Variants in NSL1 observed in about 807,000 individuals in gnomAD.
The protein encoded by NSL1 is kinetochore-associated protein NSL1 homolog.
Under a neutral mutation model 25.4 loss-of-function variants are expected in NSL1, and 11 were observed. That is an observed-to-expected ratio of 0.43 (90% CI 0.27 to 0.72). The LOEUF is 0.72. NSL1 is among the 30% of genes least tolerant of loss of function. The pLI is 0.19. For missense variants in NSL1, 330 were observed against 342.7 expected (o/e 0.96, Z 0.29); for synonymous variants, 118 against 120.6 (o/e 0.98, Z 0.14).
Position 212,740,799 on chromosome 1 carries a change from T to G in NSL1, c.500-1198A>C, listed in dbSNP as rs180901264. Among the ~76,000 whole-genome samples the G allele has an allele frequency of 1.1e-3, 171 of 152,320 alleles. 1 individual carries two copies. Among genetic ancestry groups the G allele is most frequent in the Non-Finnish European group, 1.5e-3 (103 of 68,018 alleles). On this transcript the variant is annotated intron_variant, in intron 4 of 5. Coordinates refer to ENST00000366977, the MANE Select transcript of NSL1 (RefSeq NM_015471.4). ...ATGTTTTAAAATAAAATTTAAAATG[T>G]AAGTAGAAAATTGTGATAGGTAATA...
intron 4 of NSL1, among the ~76,000 whole-genome samples, chr1:212,779,951 TA>T (rs1660636765): frequency 6.6e-6 from 1 of 150,460 alleles, no homozygotes; most frequent in Non-Finnish European, 1.5e-5. Context: ...CGGCCGCCCC[TA>T]CTGGGAAGTG....
At chr1:212,739,267 A>T (rs756728698) in intron 5 of NSL1, among the ~76,000 whole-genome samples, 1 of 152,244 alleles carries the variant, frequency 6.6e-6, no homozygotes, top group Non-Finnish European at 1.5e-5. Context: ...TATTATCCAA[A>T]ACTGTTCGGT....
intron 4 of NSL1, among the ~76,000 whole-genome samples, chr1:212,749,466 G>C (rs1658966171): frequency 6.7e-6 from 1 of 150,308 alleles, no homozygotes; most frequent in Non-Finnish European, 1.5e-5. Context: ...CTGTCACCCA[G>C]GCCGGAGTGC....
At position 212,734,524 on chromosome 1, in the gene NSL1, T is replaced by C. The variant is rs6696908; in HGVS notation, c.*3884A>G. ...ACAGAACATTTTGCTCACCCAAAAA[T>C]GTTTCCCGTGCCATTCCCAGTTAAT... On this transcript the variant is annotated 3_prime_UTR_variant, in exon 6 of 6. Coordinates refer to ENST00000366977, the MANE Select transcript of NSL1 (RefSeq NM_015471.4). 0.61 allele frequency among the ~76,000 whole-genome samples: 92,286 copies of C among 152,038 alleles called. 28,438 individuals are homozygous for C. Among genetic ancestry groups the C allele is most frequent in the Non-Finnish European group, 0.66 (44,601 of 67,974 alleles).
At position 212,726,819 on chromosome 1, in the gene NSL1, G is replaced by A; in HGVS notation, c.*11589C>T. ...GTGGGGTCCTCCCACAATCCTCCAT[G>A]TGGCACGTGGGGATCTCCAAATGAC... On this transcript the variant is annotated 3_prime_UTR_variant, in exon 6 of 6. Transcript: ENST00000366977. 3.7e-6 allele frequency: 1 copy of A among 269,778 alleles called. No homozygotes were observed. The highest frequency in any genetic ancestry group is 7.0e-6 in the Non-Finnish European group (1 of 142,780). The allele number at this position is 269,778 out of a possible 1,614,324, so 16.7% of individuals were successfully genotyped here. A position where few individuals can be genotyped will look rare whatever the true frequency, so the allele number is the denominator to read the frequency against.
At chr1:212,767,486 A>AGAT (rs1659874611) in intron 4 of NSL1, among the ~76,000 whole-genome samples, 1 of 152,234 alleles carries the variant, frequency 6.6e-6, no homozygotes, top group African/African-American at 2.4e-5. Flanking sequence ...AACATCAGAC[A>AGAT]AACTCTTCTA....
rs1229750679 is a variant in NSL1, at chr1:212,736,204, A to G, written c.*2204T>C. Reference sequence around the variant, plus strand: ...AGGTGTGTGCCATCACACCCTGCTAATTTTTGTATTTTTTGTAGAAATGGA... The same window carrying G: ...AGGTGTGTGCCATCACACCCTGCTAGTTTTTGTATTTTTTGTAGAAATGGA... On this transcript the variant is annotated 3_prime_UTR_variant, in exon 6 of 6. Transcript: ENST00000366977. The G allele has an allele frequency of 8.0e-6, 5 of 626,910 alleles. No individual in the cohort carries two copies. Among genetic ancestry groups the G allele is most frequent in the African/African-American group, 2.0e-5 (1 of 50,166 alleles). The allele number at this position is 626,910 out of a possible 1,614,324, so 38.8% of individuals were successfully genotyped here.
Position 212,735,892 on chromosome 1 carries a change from G to GT in NSL1, c.*2515dup. On this transcript the variant is annotated 3_prime_UTR_variant, in exon 6 of 6. Coordinates refer to ENST00000366977, the MANE Select transcript of NSL1 (RefSeq NM_015471.4). ...CTTCTAGCCTCCAGAACTGTGAGAA[G>GT]TAAGTATCTGTTGTTTAAGCCACCC... 1 of 933,232 alleles carries GT rather than the reference G, an allele frequency of 1.1e-6. No homozygotes were observed. Among genetic ancestry groups the GT allele is most frequent in the Non-Finnish European group, 1.3e-6 (1 of 782,398 alleles). 57.8% of individuals were successfully genotyped at this position (933,232 alleles called of 1,614,324 possible).
chr1:212,786,560 C>T (rs1271157347), intron 2 of NSL1, among the ~76,000 whole-genome samples: 1 of 152,198 alleles, frequency 6.6e-6, no homozygotes, highest in Non-Finnish European at 1.5e-5. Flanking sequence ...GTAATCCCAA[C>T]ACTTTGGGAG....
At chr1:212,779,386 G>T (rs951181230) in intron 4 of NSL1, among the ~76,000 whole-genome samples, 3 of 141,208 alleles carry the variant, frequency 2.1e-5, no homozygotes, top group East Asian at 2.3e-4. Flanking sequence ...GAGGTGGGGG[G>T]GTCAGCCCCC....
In NSL1 at chr1:212,745,199, TATATGC is replaced by T. The variant is rs1408612707; in HGVS notation, c.500-5604_500-5599del. Among the ~76,000 whole-genome samples the T allele has an allele frequency of 4.9e-3, 382 of 77,818 alleles. 3 individuals carry two copies. Among genetic ancestry groups the T allele is most frequent in the African/African-American group, 0.025 (366 of 14,826 alleles). 51.1% of individuals were successfully genotyped at this position (77,818 alleles called of 152,430 possible). A position where few individuals can be genotyped will look rare whatever the true frequency, so the allele number is the denominator to read the frequency against. On this transcript the variant is annotated intron_variant, in intron 4 of 5. Transcript: ENST00000366977. ...ATATATATATATATATATATATATA[TATATGC>T]ATATGCATATGCATAACAAGAGTCT...
intron 5 of NSL1, 40 bp from the exon 6 acceptor site, chr1:212,738,726 G>T: frequency 6.5e-7 from 1 of 1,527,152 alleles, no homozygotes; most frequent in Non-Finnish European, 9.0e-7. Flanking sequence ...ATTAATCTCA[G>T]GTTGAAACAC....
intron 4 of NSL1, among the ~76,000 whole-genome samples, chr1:212,774,109 G>A (rs1294800714): frequency 6.6e-6 from 1 of 151,880 alleles, no homozygotes; most frequent in Non-Finnish European, 1.5e-5. Context: ...GGTGGGGCAG[G>A]GGTTTAAAAA....
At position 212,733,833 on chromosome 1, in the gene NSL1, G is replaced by C. The variant is rs187067789; in HGVS notation, c.*4575C>G. Among the ~76,000 whole-genome samples, 592 of 152,308 alleles carry C rather than the reference G, an allele frequency of 3.9e-3. 1 individual carries two copies. Among genetic ancestry groups the C allele is most frequent in the Non-Finnish European group, 6.9e-3 (471 of 68,014 alleles). ...TAGGTTTAGAACGTGGAGTAAAATT[G>C]CTGGGCCATATGGTAACTGCATTAT... On this transcript the variant is annotated 3_prime_UTR_variant, in exon 6 of 6. Transcript: ENST00000366977.
At position 212,737,805 on chromosome 1, in the gene NSL1, T is replaced by C. The variant is rs1658292984; in HGVS notation, c.*603A>G. 1 of 985,426 alleles carries C rather than the reference T, an allele frequency of 1.0e-6. No individual in the cohort carries two copies. The highest frequency in any genetic ancestry group is 1.2e-6 in the Non-Finnish European group (1 of 829,916). The allele number at this position is 985,426 out of a possible 1,614,324, so 61.0% of individuals were successfully genotyped here. On this transcript the variant is annotated 3_prime_UTR_variant, in exon 6 of 6. Transcript: ENST00000366977. ...TCAAAGAGTAATGTTGCACAAATAA[T>C]AGTTATCATTGTCTTACACAACAAA...
Position 212,735,557 on chromosome 1 carries a change from T to C in NSL1, c.*2851A>G, listed in dbSNP as rs1433170844. 1 of 985,058 alleles carries C rather than the reference T, an allele frequency of 1.0e-6. No homozygotes were observed. Among genetic ancestry groups the C allele is most frequent in the Non-Finnish European group, 1.2e-6 (1 of 829,702 alleles). The allele number at this position is 985,058 out of a possible 1,614,324, so 61.0% of individuals were successfully genotyped here. ...TAAGATTTTCTGTGGGCTTGTGTTA[T>C]GGACTCAATGTTTGTGTCCCCCTAA... is the stretch of plus-strand genomic sequence containing the variant. On this transcript the variant is annotated 3_prime_UTR_variant, in exon 6 of 6. Transcript: ENST00000366977.
Position 212,791,733 on chromosome 1 carries a change from C to A in NSL1, c.31G>T (p.Asp11Tyr). The change falls in exon 1 of 6, where the codon GAC becomes TAC. Residue 11 changes from aspartate (D) to tyrosine (Y), a missense_variant. Asp to Tyr is a radical substitution (Grantham distance 160, BLOSUM62 -3). Coordinates refer to ENST00000366977, the MANE Select transcript of NSL1 (RefSeq NM_015471.4). The stretch of plus-strand genomic sequence containing the variant: ...GCGAGCTCCTTGTCCCATGGAGGGT[C>A]AAGGACCACCAACTCAGGAGACCCC... MAGSPELVVL[D>Y]PPWDKELAAG... is the part of the protein sequence containing the mutation. The A allele has an allele frequency of 1.2e-6, 2 of 1,612,138 alleles. No individual in the cohort carries two copies. Among genetic ancestry groups the A allele is most frequent in the South Asian group, 1.1e-5 (1 of 90,988 alleles).
In NSL1 at chr1:212,791,776, C is replaced by G; in HGVS notation, c.-13G>C. On this transcript the variant is annotated 5_prime_UTR_variant, in exon 1 of 6. Transcript: ENST00000366977. ...GAGACCCCGCCATTTTTCGTCGGAA[C>G]TGTGGGCGGGGCACTCTGGGAGCGG... 6.2e-7 allele frequency: 1 copy of G among 1,600,224 alleles called. No homozygotes were observed. Among genetic ancestry groups the G allele is most frequent in the Non-Finnish European group, 8.5e-7 (1 of 1,171,508 alleles).
chr1:212,748,343 C>T (rs1414759709), intron 4 of NSL1, among the ~76,000 whole-genome samples: 1 of 152,148 alleles, frequency 6.6e-6, no homozygotes, highest in Admixed American at 6.5e-5. Flanking sequence ...AAAAGCCAAA[C>T]ATATGCCTAC....
Sources: allele counts gnomAD v4.1 joint callset (sites outside exome capture counted in the v4.1 genomes callset), GRCh38; gene constraint gnomAD v4.1.1; transcripts MANE v1.5; gene names NCBI Gene and HGNC (gene_info 2026-07-23, HGNC 2026-07-21).